ZNF143: variants seen among roughly 807,000 people sequenced by gnomAD.
ZNF143 encodes zinc finger protein 143, also known as SPH-binding factor.
A neutral mutation model predicts 74.1 loss-of-function variants in ZNF143; 49 were observed. The observed-to-expected ratio is 0.66, with a 90% CI of 0.53 to 0.84. The LOEUF is 0.84. Ranked by LOEUF, ZNF143 falls within the 40% of genes least tolerant of loss-of-function variation. The probability of loss-of-function intolerance (pLI) is 0.00; values close to 1 mark genes in which losing one functional copy is unlikely to be tolerated. For synonymous variants in ZNF143, 304 were observed against 282.8 expected (o/e 1.07, Z -0.75); for missense variants, 637 against 793.4 (o/e 0.80, Z 2.37).
At position 9,461,025 on chromosome 11, in the gene ZNF143, G is replaced by A. The variant is rs1433374679; in HGVS notation, c.-59G>A. ...CCTGGGGGCCGGACGGCTGTTTCCT[G>A]TCCTGGTGCATGGTGGTCGGACGAA... On this transcript the variant is annotated 5_prime_UTR_variant, in exon 1 of 16. Transcript: ENST00000396602. The A allele has an allele frequency of 3.0e-6, 3 of 986,088 alleles. No individual in the cohort carries two copies. Among genetic ancestry groups the A allele is most frequent in the Non-Finnish European group, 3.6e-6 (3 of 830,256 alleles). 61.1% of individuals were successfully genotyped at this position (986,088 alleles called of 1,614,324 possible).
In ZNF143 at chr11:9,525,802, T is replaced by C. The variant is rs1589959701; in HGVS notation, c.1833+416T>C. On this transcript the variant is annotated intron_variant, in intron 15 of 15. Transcript: ENST00000396602. ...AGCCCCCATTTTAAAGTGGGGAATG[T>C]CAGAAGACTTAGAAGGAATCATTCT... Among the ~76,000 whole-genome samples the C allele has an allele frequency of 2.0e-5, 3 of 152,288 alleles. No homozygotes were observed. The Middle Eastern group carries it at 0.01, about 518-fold the overall frequency.
intron 7 of ZNF143, among the ~76,000 whole-genome samples, chr11:9,492,641 T>C (rs1036532261): frequency 6.6e-6 from 1 of 152,210 alleles, no homozygotes; most frequent in African/African-American, 2.4e-5. Flanking sequence ...ATCTTAATTT[T>C]AGAACTTTAA....
Position 9,494,714 on chromosome 11 carries a change from A to T in ZNF143, c.714A>T (p.Arg238=), listed in dbSNP as rs774059736. ...KSQQSGEKAF[R]CEYDGCGKLY... is the part of the protein sequence containing the mutation. ...AACAGAGTGGAGAGAAGGCATTTCGATGTGAATATGATGGATGTGGAAAAT... is the reference window on the plus strand; with the variant it reads ...AACAGAGTGGAGAGAAGGCATTTCGTTGTGAATATGATGGATGTGGAAAAT... Residue 238 remains arginine, a synonymous_variant, in exon 8 of 16, where the codon CGA becomes CGT. Coordinates refer to ENST00000396602, the MANE Select transcript of ZNF143 (RefSeq NM_003442.6). 5.6e-6 allele frequency: 9 copies of T among 1,613,556 alleles called. No homozygotes were observed. Among genetic ancestry groups the T allele is most frequent in the Admixed American group, 1.7e-5 (1 of 60,002 alleles).
At chr11:9,487,778 A>G (rs550318763) in intron 7 of ZNF143, among the ~76,000 whole-genome samples, 6 of 152,330 alleles carry the variant, frequency 3.9e-5, no homozygotes, top group African/African-American at 1.4e-4. Flanking sequence ...ATTGCCCTTG[A>G]GAGTTTTCAC....
At chr11:9,488,487 C>G (rs1490971620) in intron 7 of ZNF143, among the ~76,000 whole-genome samples, 2 of 152,220 alleles carry the variant, frequency 1.3e-5, no homozygotes, top group East Asian at 3.9e-4. Flanking sequence ...ACACTCCAAA[C>G]CTTTGACCAT....
intron 1 of ZNF143, among the ~76,000 whole-genome samples, chr11:9,470,242 TCTA>T (rs771790578): frequency 3.9e-5 from 6 of 152,218 alleles, no homozygotes; most frequent in Non-Finnish European, 8.8e-5. Flanking sequence ...CTATTGTACT[TCTA>T]CTATGGGCCA....
chr11:9,502,607 C>CAA (rs35945973), intron 11 of ZNF143, among the ~76,000 whole-genome samples: 1 of 135,216 alleles, frequency 7.4e-6, no homozygotes. Flanking sequence ...GACTCCATCT[C>CAA]AAAAAAAAAA....
chr11:9,528,363 G>A lies in ZNF143; in HGVS notation c.*750G>A, dbSNP rs1479487593. The A allele has an allele frequency of 6.6e-6, 1 of 152,058 alleles. No individual in the cohort carries two copies. The highest frequency in any genetic ancestry group is 1.9e-4 in the East Asian group (1 of 5,198). The allele number at this position is 152,058 out of a possible 1,614,324, so 9.4% of individuals were successfully genotyped here. The stretch of plus-strand genomic sequence containing the variant: ...ATCATCAAAGTTTAACCACAGGCTG[G>A]TGCCCGGGATAACAGTACTGTAATT... On this transcript the variant is annotated 3_prime_UTR_variant, in exon 16 of 16. Coordinates refer to ENST00000396602, the MANE Select transcript of ZNF143 (RefSeq NM_003442.6).
rs556976842 is a variant in ZNF143, at chr11:9,471,704, C to T, written c.112+284C>T. 8.6e-5 allele frequency among the ~76,000 whole-genome samples: 13 copies of T among 151,898 alleles called. No individual in the cohort carries two copies. In the East Asian group the frequency reaches 1.9e-3, roughly 23 times the overall value. On this transcript the variant is annotated intron_variant, in intron 2 of 15. Transcript: ENST00000396602. ...AGTAGCTGGGATTACAGGCATGTGC[C>T]ACCACGTCCGGCTAATTTTGTATTT...
chr11:9,512,633 T>G, intron 13 of ZNF143, 37 bp downstream of exon 13: 2 of 1,608,262 alleles, frequency 1.2e-6, no homozygotes, highest in Non-Finnish European at 1.7e-6. Context: ...ATTAAATCTT[T>G]CTGTGAACCT....
rs192460118 is a variant in ZNF143, at chr11:9,476,603, C to T, written c.374-1787C>T. Among the ~76,000 whole-genome samples the T allele has an allele frequency of 3.3e-3, 505 of 152,048 alleles. 5 individuals carry two copies. The highest frequency in any genetic ancestry group is 0.011 in the African/African-American group (470 of 41,472). On this transcript the variant is annotated intron_variant, in intron 5 of 15. Transcript: ENST00000396602. The stretch of plus-strand genomic sequence containing the variant: ...GTCAGGCTGGTCTCAAACTCCTGAC[C>T]TCAGGTGATCCGCCCACTTCAGCCT...
intron 7 of ZNF143, among the ~76,000 whole-genome samples, chr11:9,486,340 ATTATATATATATTATAT>A (rs1234203013): frequency 1.2e-5 from 1 of 84,550 alleles, no homozygotes; most frequent in African/African-American, 4.7e-5. Flanking sequence ...CGCTAATTAT[ATTATATATATATTATAT>A]ATATATTATA....
rs1343381933 is a variant in ZNF143 at position 9,486,439 on chromosome 11, A to ATATATTAT, written c.645+6893_645+6894insTATATTAT. Among the ~76,000 whole-genome samples, 27 of 23,128 alleles carry ATATATTAT rather than the reference A, an allele frequency of 1.2e-3. 1 individual carries two copies. Among genetic ancestry groups the ATATATTAT allele is most frequent in the African/African-American group, 3.5e-3 (26 of 7,356 alleles). 15.2% of individuals were successfully genotyped at this position (23,128 alleles called of 152,430 possible). A position where few individuals can be genotyped will look rare whatever the true frequency, so the allele number is the denominator to read the frequency against. The stretch of plus-strand genomic sequence containing the variant: ...TATATATTATATATATTATATATAT[A>ATATATTAT]ATATATTATATATATTATATATATA... On this transcript the variant is annotated intron_variant, in intron 7 of 15. Coordinates refer to ENST00000396602, the MANE Select transcript of ZNF143 (RefSeq NM_003442.6).
At chr11:9,481,046 C>G (rs574280717) in intron 7 of ZNF143, among the ~76,000 whole-genome samples, 1 of 151,992 alleles carries the variant, frequency 6.6e-6, no homozygotes, top group African/African-American at 2.4e-5. Context: ...CTGTGTGATT[C>G]GTAGCAAAAT....
At chr11:9,526,034 T>TG (rs1396850119) in intron 15 of ZNF143, among the ~76,000 whole-genome samples, 2 of 151,764 alleles carry the variant, frequency 1.3e-5, no homozygotes, top group African/African-American at 4.8e-5. Flanking sequence ...CCCAGCTACT[T>TG]GGGGGGTGCT....
chr11:9,480,893 A>G (rs117931028), intron 7 of ZNF143, among the ~76,000 whole-genome samples: 7,642 of 151,988 alleles, frequency 0.05, 267 homozygotes, highest in South Asian at 0.076. Context: ...CTCAAAAAAA[A>G]AAAAAAGAAA....
Position 9,494,632 on chromosome 11 carries a change from T to G in ZNF143, c.646-14T>G, listed in dbSNP as rs1418177047. ...GGCTTAAGTAATTTAAGTAATACTATTTGTTTTATTTAGATTGTTTTACAA... is the reference window on the plus strand; with the variant it reads ...GGCTTAAGTAATTTAAGTAATACTAGTTGTTTTATTTAGATTGTTTTACAA... On this transcript the variant is annotated splice_polypyrimidine_tract_variant and intron_variant, in intron 7 of 15. Coordinates refer to ENST00000396602, the MANE Select transcript of ZNF143 (RefSeq NM_003442.6). The G allele has an allele frequency of 6.2e-7, 1 of 1,611,606 alleles. No individual in the cohort carries two copies. The highest frequency in any genetic ancestry group is 8.5e-7 in the Non-Finnish European group (1 of 1,178,628).
Position 9,473,944 on chromosome 11 carries a change from C to A in ZNF143, c.209C>A (p.Ala70Glu), listed in dbSNP as rs1469105664. 8 of 1,614,050 alleles carry A rather than the reference C, an allele frequency of 5.0e-6. No homozygotes were observed. The South Asian group carries it at 8.8e-5, about 18-fold the overall frequency. Residue 70 changes from alanine (A) to glutamate (E), a missense_variant, in exon 4 of 16, where the codon GCA becomes GAA. Ala to Glu is a moderately radical substitution (Grantham distance 107, BLOSUM62 -1). Around this residue, in one of 2 missense-constraint regions of ZNF143, gnomAD observed 293 missense variants for 307.8 expected, o/e 0.95. Coordinates refer to ENST00000396602, the MANE Select transcript of ZNF143 (RefSeq NM_003442.6). ...TAYIQHNSKD[A>E]KLIDGQVIQL... is the part of the protein sequence containing the mutation. ...TGTCTTGAATCTTTTGTTATAGATG[C>A]AAAACTCATAGATGGCCAGGTCATT...
At chr11:9,518,414 G>A (rs1848795169) in intron 14 of ZNF143, among the ~76,000 whole-genome samples, 2 of 152,146 alleles carry the variant, frequency 1.3e-5, no homozygotes, top group African/African-American at 4.8e-5. Context: ...AACATCATTA[G>A]TCATTAAGAA....
Sources: gnomAD v4.1 joint callset for allele counts (sites outside exome capture counted in the v4.1 genomes callset) on GRCh38, gnomAD v4.1.1 for gene constraint, gnomAD v4.1.1 regional missense constraint, MANE v1.5 for transcripts, NCBI Gene and HGNC (gene_info 2026-07-23, HGNC 2026-07-21) for gene names.